Variants in ZNF385D observed in about 807,000 individuals in gnomAD.
ZNF385D encodes the protein zinc finger protein 659.
In ZNF385D, 15 loss-of-function variants were observed where a neutral mutation model predicts 35.8. The ratio of observed to expected loss-of-function variants is 0.42; its 90% CI spans 0.28 to 0.64. ZNF385D has a LOEUF of 0.64. ZNF385D is among the 30% of genes least tolerant of loss of function. ZNF385D has a pLI of 0.23. For missense variants in ZNF385D, 474 were observed against 494.6 expected (o/e 0.96, Z 0.39); for synonymous variants, 212 against 186.8 (o/e 1.13, Z -1.10).
intron 3 of ZNF385D, among the ~76,000 whole-genome samples, chr3:22,147,306 T>C (rs1429505455): frequency 1.3e-5 from 2 of 152,168 alleles, no homozygotes; most frequent in South Asian, 2.1e-4. Flanking sequence ...TTGTGGGGGA[T>C]TGATGCCAGT....
At chr3:22,114,193 GT>G (rs1201675689) in intron 3 of ZNF385D, among the ~76,000 whole-genome samples, 6 of 152,002 alleles carry the variant, frequency 3.9e-5, no homozygotes, top group African/African-American at 1.4e-4. Context: ...AATTATTATT[GT>G]TTGTATGCTT....
At chr3:22,222,287 C>G (rs1698304994) in intron 2 of ZNF385D, among the ~76,000 whole-genome samples, 3 of 151,808 alleles carry the variant, frequency 2.0e-5, no homozygotes, top group South Asian at 2.1e-4. Flanking sequence ...ATTCTGCTGG[C>G]CATAAAAAAC....
intron 2 of ZNF385D, among the ~76,000 whole-genome samples, chr3:22,224,572 C>T (rs1484427862): frequency 6.6e-6 from 1 of 152,084 alleles, no homozygotes; most frequent in Non-Finnish European, 1.5e-5. Context: ...TGATAGGAAG[C>T]CCATGGAGAA....
intron 3 of ZNF385D, among the ~76,000 whole-genome samples, chr3:21,543,874 G>GT (rs2062275785): frequency 6.6e-6 from 1 of 152,178 alleles, no homozygotes; most frequent in Admixed American, 6.5e-5. Context: ...GGCATGGCTT[G>GT]TAACTGGTGG....
At chr3:22,113,196 A>T (rs1224838704) in intron 3 of ZNF385D, among the ~76,000 whole-genome samples, 2 of 152,092 alleles carry the variant, frequency 1.3e-5, no homozygotes, top group Non-Finnish European at 2.9e-5. Context: ...GGGCCTTTGC[A>T]GTTCAAGTGC....
intron 3 of ZNF385D, among the ~76,000 whole-genome samples, chr3:21,858,406 G>C (rs1053401927): frequency 1.3e-5 from 2 of 151,818 alleles, no homozygotes; most frequent in African/African-American, 4.8e-5. Flanking sequence ...CCTACCCCCA[G>C]ATTCACATGT....
chr3:22,028,730 G>A lies in ZNF385D; in HGVS notation c.325+140087C>T, dbSNP rs981254178. ...CTCAGACCAAGGCATTCACTTTATG[G>A]CTAAAGAAGTGTGGCAGTGGGCTCA... On this transcript the variant is annotated intron_variant, in intron 3 of 5. Transcript: ENST00000494108. Among the ~76,000 whole-genome samples the A allele has an allele frequency of 5.9e-5, 9 of 152,140 alleles. No homozygotes were observed. The East Asian group carries it at 1.3e-3, about 23-fold the overall frequency.
intron 4 of ZNF385D, among the ~76,000 whole-genome samples, chr3:21,473,961 G>A (rs1704064583): frequency 6.6e-6 from 1 of 151,672 alleles, no homozygotes; most frequent in African/African-American, 2.4e-5. Context: ...TATCATATAT[G>A]CCTTGTTATA....
At chr3:22,179,370 G>T (rs1031564042) in intron 2 of ZNF385D, among the ~76,000 whole-genome samples, 9 of 152,058 alleles carry the variant, frequency 5.9e-5, no homozygotes, top group Non-Finnish European at 1.0e-4. Context: ...GTTCACTCAT[G>T]ATTTGGCTCT....
At chr3:21,679,308 T>A (rs544332338) in intron 1 of ZNF385D, among the ~76,000 whole-genome samples, 1 of 152,226 alleles carries the variant, frequency 6.6e-6, no homozygotes, top group Admixed American at 6.5e-5. Context: ...TATGAAATAA[T>A]GGAATATATT....
intron 3 of ZNF385D, among the ~76,000 whole-genome samples, chr3:21,818,298 G>C (rs1452659988): frequency 2.0e-5 from 3 of 152,198 alleles, no homozygotes; most frequent in Admixed American, 6.5e-5. Flanking sequence ...CATGCACGTT[G>C]TGCATATGTA....
At chr3:21,806,677 A>G (rs1043422234) in intron 3 of ZNF385D, among the ~76,000 whole-genome samples, 1 of 152,216 alleles carries the variant, frequency 6.6e-6, no homozygotes, top group African/African-American at 2.4e-5. Flanking sequence ...CATATGTTAT[A>G]TAGTAATAAA....
rs184839541 is a variant in ZNF385D, at chr3:22,327,412, T to A, written c.106+45038A>T. 4.6e-5 allele frequency among the ~76,000 whole-genome samples: 7 copies of A among 152,264 alleles called. No homozygotes were observed. The East Asian group carries it at 1.3e-3, about 29-fold the overall frequency. On this transcript the variant is annotated intron_variant, in intron 2 of 5. Transcript: ENST00000494108. ...TCGGTGTCCTACACTCTAAGTTCCATGGGCCTACATTAACTAACCCATCCT... is the reference window on the plus strand; with the variant it reads ...TCGGTGTCCTACACTCTAAGTTCCAAGGGCCTACATTAACTAACCCATCCT...
At chr3:22,065,594 A>G (rs1576252696) in intron 3 of ZNF385D, among the ~76,000 whole-genome samples, 1 of 152,138 alleles carries the variant, frequency 6.6e-6, no homozygotes, top group African/African-American at 2.4e-5. Flanking sequence ...CATGGTGAAA[A>G]GATCAATTTG....
At chr3:22,364,897 C>G (rs987929354) in intron 2 of ZNF385D, among the ~76,000 whole-genome samples, 13 of 152,038 alleles carry the variant, frequency 8.6e-5, no homozygotes, top group African/African-American at 2.9e-4. Flanking sequence ...TATACACACA[C>G]AGTGGAATAT....
intron 3 of ZNF385D, among the ~76,000 whole-genome samples, chr3:21,834,027 T>C (rs1208432449): frequency 6.6e-6 from 1 of 152,138 alleles, no homozygotes; most frequent in Non-Finnish European, 1.5e-5. Flanking sequence ...ACTAAATTAA[T>C]ACACGTAAAA....
chr3:21,626,448 A>T (rs1039165663), intron 2 of ZNF385D, among the ~76,000 whole-genome samples: 2 of 152,118 alleles, frequency 1.3e-5, no homozygotes, highest in African/African-American at 4.8e-5. Flanking sequence ...AGAGGATGGA[A>T]TGTCATCTCT....
chr3:22,073,065 T>C (rs1700302924), intron 3 of ZNF385D, among the ~76,000 whole-genome samples: 1 of 151,820 alleles, frequency 6.6e-6, no homozygotes, highest in Admixed American at 6.6e-5. Flanking sequence ...ACTAGAAAGC[T>C]CTTCAGAAGG....
chr3:21,860,517 A>G (rs890854479), intron 3 of ZNF385D, among the ~76,000 whole-genome samples: 1 of 152,088 alleles, frequency 6.6e-6, no homozygotes, highest in Non-Finnish European at 1.5e-5. Context: ...TCAGTGAGAT[A>G]AGTACAGATA....
Sources: gnomAD v4.1 joint callset for allele counts (sites outside exome capture counted in the v4.1 genomes callset) on GRCh38, gnomAD v4.1.1 for gene constraint, MANE v1.5 for transcripts, NCBI Gene and HGNC (gene_info 2026-07-23, HGNC 2026-07-21) for gene names.